Variants in DAAM1 observed in about 807,000 individuals in gnomAD.
DAAM1 encodes the protein dishevelled associated activator of morphogenesis 1, also known as disheveled-associated activator of morphogenesis 1.
A neutral mutation model predicts 130.0 loss-of-function variants in DAAM1; 52 were observed. That is an observed-to-expected ratio of 0.40 (90% CI 0.32 to 0.50). The LOEUF (loss-of-function observed/expected upper bound fraction) is 0.50. Ranked by LOEUF, DAAM1 falls within the 20% of genes least tolerant of loss-of-function variation. DAAM1 has a pLI of 0.61. For synonymous variants in DAAM1, 452 were observed against 444.5 expected (o/e 1.02, Z -0.21); for missense variants, 1,134 against 1,303.8 (o/e 0.87, Z 2.01).
intron 16 of DAAM1, among the ~76,000 whole-genome samples, chr14:59,345,144 G>A (rs1394330299): frequency 6.6e-6 from 1 of 152,158 alleles, no homozygotes; most frequent in Non-Finnish European, 1.5e-5. Flanking sequence ...CTACCCAGTT[G>A]AGGCCCTGAT....
chr14:59,222,219 T>C (rs539857241), intron 1 of DAAM1, among the ~76,000 whole-genome samples: 1 of 152,334 alleles, frequency 6.6e-6, no homozygotes, highest in South Asian at 2.1e-4. Context: ...TTGTGGTCTG[T>C]GAAGTGAGTT....
chr14:59,224,073 TAA>T (rs975160414), intron 1 of DAAM1, among the ~76,000 whole-genome samples: 3 of 152,212 alleles, frequency 2.0e-5, no homozygotes, highest in Non-Finnish European at 4.4e-5. Flanking sequence ...GGCAGCATGG[TAA>T]AAGTTATATT....
intron 3 of DAAM1, among the ~76,000 whole-genome samples, chr14:59,310,151 C>T (rs1884528922): frequency 6.7e-6 from 1 of 150,324 alleles, no homozygotes; most frequent in Non-Finnish European, 1.5e-5. Context: ...TGCTCTGTGG[C>T]CCAGGCTGGA....
At chr14:59,242,269 A>G (rs1881159185) in intron 1 of DAAM1, among the ~76,000 whole-genome samples, 1 of 152,204 alleles carries the variant, frequency 6.6e-6, no homozygotes, top group Non-Finnish European at 1.5e-5. Context: ...CTCAAATATA[A>G]TCTCTCTAAA....
At chr14:59,302,091 G>A (rs950894031) in intron 3 of DAAM1, among the ~76,000 whole-genome samples, 1 of 152,178 alleles carries the variant, frequency 6.6e-6, no homozygotes, top group Admixed American at 6.5e-5. Context: ...TAGGAAAGAT[G>A]AACAGGTAGA....
intron 17 of DAAM1, among the ~76,000 whole-genome samples, chr14:59,348,814 A>G (rs1033200665): frequency 1.3e-5 from 2 of 152,034 alleles, no homozygotes; most frequent in Non-Finnish European, 2.9e-5. Context: ...GGGAGGAATG[A>G]TGTTTGCAGA....
intron 1 of DAAM1, among the ~76,000 whole-genome samples, chr14:59,213,031 C>G (rs763927640): frequency 1.3e-5 from 2 of 152,070 alleles, no homozygotes; most frequent in Admixed American, 6.5e-5. Flanking sequence ...CCCCTGCCCC[C>G]CATTCCACAC....
At chr14:59,261,683 C>A (rs1342498861) in intron 1 of DAAM1, among the ~76,000 whole-genome samples, 1 of 152,166 alleles carries the variant, frequency 6.6e-6, no homozygotes, top group East Asian at 1.9e-4. Flanking sequence ...CTGTGGAAGT[C>A]TCTGGAAATT....
intron 2 of DAAM1, among the ~76,000 whole-genome samples, chr14:59,269,317 C>G (rs1160809640): frequency 6.6e-6 from 1 of 152,234 alleles, no homozygotes; most frequent in East Asian, 1.9e-4. Context: ...CTTCCAGCTC[C>G]TTACTCCTCT....
At chr14:59,236,739 T>A (rs1169040992) in intron 1 of DAAM1, among the ~76,000 whole-genome samples, 1 of 152,184 alleles carries the variant, frequency 6.6e-6, no homozygotes, top group African/African-American at 2.4e-5. Context: ...CTCATCTGTC[T>A]GGTTCATTGC....
chr14:59,288,566 C>A (rs1428963530), intron 2 of DAAM1, among the ~76,000 whole-genome samples: 1 of 152,060 alleles, frequency 6.6e-6, no homozygotes, highest in African/African-American at 2.4e-5. Flanking sequence ...AAGCAAAAAA[C>A]AACCCAATGA....
intron 1 of DAAM1, among the ~76,000 whole-genome samples, chr14:59,254,616 C>T (rs1400380115): frequency 6.6e-6 from 1 of 152,146 alleles, no homozygotes; most frequent in African/African-American, 2.4e-5. Context: ...GTGATGTCTT[C>T]GGGTGCTCCA....
chr14:59,214,935 A>G (rs1888532239), intron 1 of DAAM1, among the ~76,000 whole-genome samples: 1 of 152,208 alleles, frequency 6.6e-6, no homozygotes, highest in African/African-American at 2.4e-5. Context: ...TTCTAAAGTG[A>G]CTGCACTATT....
rs1458736831 is a variant in DAAM1 at position 59,331,925 on chromosome 14, C to T, written c.1968+5C>T. On this transcript the variant is annotated splice_donor_5th_base_variant and intron_variant, in intron 15 of 24. Coordinates refer to ENST00000360909, the MANE Select transcript of DAAM1 (RefSeq NM_001270520.2). ...TCTGCCTATCAAAGACAGCAGGTAA[C>T]AGCATATGCCCTCCAGACACCAAAA... The T allele has an allele frequency of 6.2e-7, 1 of 1,610,458 alleles. No homozygotes were observed. The highest frequency in any genetic ancestry group is 8.5e-7 in the Non-Finnish European group (1 of 1,177,362).
At chr14:59,339,279 C>T (rs772310739) in intron 15 of DAAM1, among the ~76,000 whole-genome samples, 51 of 152,262 alleles carry the variant, frequency 3.3e-4, no homozygotes, top group Non-Finnish European at 4.1e-4. Context: ...AACACTGTAA[C>T]GTTTTTAATT....
In DAAM1 at chr14:59,300,772, C is replaced by T. The variant is rs142572584; in HGVS notation, c.273+9466C>T. ...CATATATTTATAGCCTAACTCCATG[C>T]GCATTTATTCCTAAACAATATATAC... On this transcript the variant is annotated intron_variant, in intron 3 of 24. Transcript: ENST00000360909. Among the ~76,000 whole-genome samples, 11 of 152,238 alleles carry T rather than the reference C, an allele frequency of 7.2e-5. No homozygotes were observed. The East Asian group carries it at 1.5e-3, about 21-fold the overall frequency.
intron 23 of DAAM1, among the ~76,000 whole-genome samples, chr14:59,366,975 C>CCAT (rs1399318262): frequency 1.3e-5 from 2 of 151,674 alleles, no homozygotes; most frequent in Non-Finnish European, 2.9e-5. Context: ...ATGTAAGACC[C>CCAT]CATCTCTTAA....
chr14:59,325,486 A>C (rs1885171404), intron 8 of DAAM1, among the ~76,000 whole-genome samples, 178 bp from the exon 9 acceptor site: 1 of 152,198 alleles, frequency 6.6e-6, no homozygotes, highest in African/African-American at 2.4e-5. Context: ...TGTTTCGCTC[A>C]GGTGATGTCT....
rs1883847160 is a variant in DAAM1, at chr14:59,293,883, A to G, written c.273+2577A>G. Among the ~76,000 whole-genome samples, 3 of 152,220 alleles carry G rather than the reference A, an allele frequency of 2.0e-5. No homozygotes were observed. In the South Asian group the frequency reaches 6.2e-4, roughly 32 times the overall value. ...TAATTTCTTGAAGGACAGGTTGCCC[A>G]TTCTCAGAATAGAGCCCCATAGTGG... On this transcript the variant is annotated intron_variant, in intron 3 of 24. Transcript: ENST00000360909.
Sources: allele counts gnomAD v4.1 joint callset (sites outside exome capture counted in the v4.1 genomes callset), GRCh38; gene constraint gnomAD v4.1.1; transcripts MANE v1.5; gene names NCBI Gene and HGNC (gene_info 2026-07-23, HGNC 2026-07-21).